The following EYS variants were observed in gnomAD, a reference collection of about 807,000 sequenced individuals.
The protein encoded by EYS is protein eyes shut homolog.
EYS carries 250 observed loss-of-function variants against 282.1 expected under a neutral mutation model. The ratio of observed to expected loss-of-function variants is 0.89; its 90% CI spans 0.80 to 0.98. EYS has a LOEUF of 0.98. Ranked by LOEUF, EYS falls within the 50% of genes least tolerant of loss-of-function variation. The probability of loss-of-function intolerance (pLI) is 0.00; values close to 1 mark genes in which losing one functional copy is unlikely to be tolerated. For synonymous variants in EYS, 1,355 were observed against 1,282.9 expected, an observed-to-expected ratio of 1.06 and a Z score of -1.20; for missense variants, 4,016 against 3,709.0, an observed-to-expected ratio of 1.08 and a Z score of -2.15.
At chr6:65,330,315 G>A (rs1769749200) in intron 11 of EYS, 1 of 968,312 alleles carries the variant, frequency 1.0e-6, no homozygotes, top group Non-Finnish European at 1.2e-6. Flanking sequence ...TGATATTTCT[G>A]GTAGCAAGTA....
chr6:64,563,417 T>A (rs984619657), intron 26 of EYS, among the ~76,000 whole-genome samples: 6 of 152,120 alleles, frequency 3.9e-5, no homozygotes, highest in Non-Finnish European at 7.4e-5. Context: ...TCATTAATAA[T>A]TAAGCTGTAT....
At chr6:64,505,696 A>T (rs1030228910) in intron 26 of EYS, among the ~76,000 whole-genome samples, 2 of 152,180 alleles carry the variant, frequency 1.3e-5, no homozygotes, top group Admixed American at 1.3e-4. Flanking sequence ...AAAATGATAT[A>T]CATATCAATT....
At chr6:65,582,095 C>T (rs868507960) in intron 2 of EYS, among the ~76,000 whole-genome samples, 2 of 151,578 alleles carry the variant, frequency 1.3e-5, no homozygotes, top group African/African-American at 2.4e-5. Context: ...ACTCGGGAGG[C>T]TGAGGCAGGA....
chr6:65,051,175 G>A (rs1773257438), intron 13 of EYS, among the ~76,000 whole-genome samples: 1 of 151,374 alleles, frequency 6.6e-6, no homozygotes, highest in African/African-American at 2.4e-5. Flanking sequence ...TTTTGCATTA[G>A]CTACTGAAAA....
In EYS at chr6:65,334,999, C is replaced by T. The variant is rs776055954; in HGVS notation, c.1747G>A (p.Asp583Asn). Residue 583 changes from aspartate to asparagine, a missense_variant, in exon 11 of 43, where the codon GAT (aspartate) becomes AAT (asparagine). Transcript: ENST00000503581. ...AAATACCTGGGTCTATTAATTTCATCTTTACAAACAGCTTCATGTTGACAC... is the reference window on the plus strand; with the variant it reads ...AAATACCTGGGTCTATTAATTTCATTTTTACAAACAGCTTCATGTTGACAC... ...NECQHEAVCKDEINRPRCSCS... is the reference protein window; with the variant it reads ...NECQHEAVCKNEINRPRCSCS... 1.9e-6 allele frequency: 3 copies of T among 1,609,788 alleles called. No individual in the cohort carries two copies. The highest frequency in any genetic ancestry group is 2.5e-6 in the Non-Finnish European group (3 of 1,177,426).
At chr6:65,326,082 A>G (rs999492823) in intron 11 of EYS, among the ~76,000 whole-genome samples, 4 of 152,130 alleles carry the variant, frequency 2.6e-5, no homozygotes, top group African/African-American at 9.7e-5. Flanking sequence ...TAACAGGAGT[A>G]CCTATAAAAT....
chr6:65,492,324 G>GAAAT (rs1292008645), intron 4 of EYS, among the ~76,000 whole-genome samples: 1 of 103,294 alleles, frequency 9.7e-6, no homozygotes, highest in East Asian at 3.1e-4. Flanking sequence ...AAAGAAAGAA[G>GAAAT]AAAGAAAGAA....
At chr6:65,285,355 C>T (rs952908669) in intron 12 of EYS, among the ~76,000 whole-genome samples, 1 of 151,530 alleles carries the variant, frequency 6.6e-6, no homozygotes, top group African/African-American at 2.4e-5. Flanking sequence ...GGCAGTATCA[C>T]CTTTACATTG....
intron 5 of EYS, among the ~76,000 whole-genome samples, chr6:65,422,161 C>T (rs922701748): frequency 1.4e-4 from 21 of 151,982 alleles, no homozygotes; most frequent in Non-Finnish European, 1.8e-4. Flanking sequence ...ATGCTTATAG[C>T]ATATTTAACT....
intron 15 of EYS, among the ~76,000 whole-genome samples, chr6:64,915,791 T>A (rs1399494576): frequency 6.6e-6 from 1 of 152,192 alleles, no homozygotes; most frequent in Non-Finnish European, 1.5e-5. Context: ...AGAAGAGATA[T>A]TCTTTTTCTC....
chr6:65,659,720 C>A (rs1050010979), intron 1 of EYS, among the ~76,000 whole-genome samples: 1 of 151,522 alleles, frequency 6.6e-6, no homozygotes, highest in Non-Finnish European at 1.5e-5. Flanking sequence ...TTTTTTGACA[C>A]ACAAACATTA....
intron 31 of EYS, among the ~76,000 whole-genome samples, chr6:64,167,070 G>C (rs1764312657): frequency 6.6e-6 from 1 of 152,144 alleles, no homozygotes; most frequent in Non-Finnish European, 1.5e-5. Context: ...CTGCTGGCTG[G>C]TCCAAAATAC....
intron 29 of EYS, among the ~76,000 whole-genome samples, chr6:64,342,056 T>A (rs571374283): frequency 1.3e-5 from 2 of 151,634 alleles, no homozygotes; most frequent in East Asian, 3.9e-4. Context: ...TTAAAACAGA[T>A]CTTTAGATAT....
intron 30 of EYS, among the ~76,000 whole-genome samples, chr6:64,235,825 T>A (rs1766587054): frequency 6.6e-6 from 1 of 152,158 alleles, no homozygotes; most frequent in African/African-American, 2.4e-5. Flanking sequence ...ATTGTGGCAA[T>A]AATCAATAGC....
At chr6:63,766,768 G>A (rs960170761) in intron 40 of EYS, among the ~76,000 whole-genome samples, 15 of 152,048 alleles carry the variant, frequency 9.9e-5, no homozygotes, top group Middle Eastern at 3.4e-3. Flanking sequence ...CCACCTTTTA[G>A]TCACCATTTT....
At chr6:64,555,668 C>T (rs1259854943) in intron 26 of EYS, among the ~76,000 whole-genome samples, 1 of 151,112 alleles carries the variant, frequency 6.6e-6, no homozygotes. Flanking sequence ...ATACAGATGG[C>T]AAATATGCAT....
At chr6:64,141,904 C>T (rs752042269) in intron 31 of EYS, among the ~76,000 whole-genome samples, 8 of 152,170 alleles carry the variant, frequency 5.3e-5, no homozygotes, top group Non-Finnish European at 8.8e-5. Flanking sequence ...TGTTCACTGG[C>T]ATGCCCAAGG....
chr6:65,329,777 C>T, intron 11 of EYS: 3 of 980,988 alleles, frequency 3.1e-6, no homozygotes, highest in Non-Finnish European at 3.6e-6. Context: ...TTAAGAAAAT[C>T]CTGGTCAAAT....
intron 22 of EYS, among the ~76,000 whole-genome samples, chr6:64,751,044 G>C (rs1249253141): frequency 6.6e-6 from 1 of 152,054 alleles, no homozygotes; most frequent in African/African-American, 2.4e-5. Flanking sequence ...TAGAGAACTT[G>C]ATGCAGTGGC....
Sources: allele counts gnomAD v4.1 joint callset (sites outside exome capture counted in the v4.1 genomes callset), GRCh38; gene constraint gnomAD v4.1.1; transcripts MANE v1.5; gene names NCBI Gene and HGNC (gene_info 2026-07-23, HGNC 2026-07-21).